STARD13: variants seen among roughly 807,000 people sequenced by gnomAD.
The protein encoded by STARD13 is StAR related lipid transfer domain containing 13.
STARD13 carries 62 observed loss-of-function variants against 106.4 expected under a neutral mutation model. That is an observed-to-expected ratio of 0.58 (90% CI 0.48 to 0.72). The LOEUF (loss-of-function observed/expected upper bound fraction) is 0.72, where lower values mean the gene tolerates loss of function less well. Among genes scored for constraint, STARD13 ranks in the 30% least tolerant of loss-of-function variants. STARD13 has a pLI of 0.00. For missense variants in STARD13, 1,387 were observed against 1,424.0 expected, an observed-to-expected ratio of 0.97 and a Z score of 0.42; for synonymous variants, 565 against 553.0, an observed-to-expected ratio of 1.02 and a Z score of -0.31.
chr13:33,517,891 T>G, the STARD13 span, among the ~76,000 whole-genome samples: 14 of 152,118 alleles, frequency 9.2e-5, no homozygotes, highest in African/African-American at 3.1e-4. Flanking sequence ...CAGACTGTAC[T>G]GAGAACCGCC....
chr13:33,518,333 G>T, the STARD13 span, among the ~76,000 whole-genome samples: 3 of 151,988 alleles, frequency 2.0e-5, no homozygotes, highest in Non-Finnish European at 4.4e-5. Flanking sequence ...CTTCTACTTT[G>T]GACTCACTGC....
chr13:33,118,210 T>G lies in STARD13; in HGVS notation c.2136A>C (p.Gln712His), dbSNP rs1396784660. Residue 712 changes from glutamine (Q) to histidine (H), a missense_variant, in exon 8 of 14, where the codon CAA (glutamine) becomes CAC (histidine). By Grantham distance (24) the Gln-to-His change is conservative (BLOSUM62 0). Coordinates refer to ENST00000336934, the MANE Select transcript of STARD13 (RefSeq NM_178006.4). ...CGTTCTCAGGGAAGTTTTCATTCAT[T>G]TGGCGAAGGGCATGGATTCGAGACT... Reference protein sequence around the residue: ...GVKSRIHALRQMNENFPENVN... With the variant: ...GVKSRIHALRHMNENFPENVN... 1 of 1,614,088 alleles carries G rather than the reference T, an allele frequency of 6.2e-7. No individual in the cohort carries two copies. The highest frequency in any genetic ancestry group is 1.3e-5 in the African/African-American group (1 of 74,926).
At chr13:33,433,545 T>C in the STARD13 span, among the ~76,000 whole-genome samples, 1 of 152,156 alleles carries the variant, frequency 6.6e-6, no homozygotes, top group Admixed American at 6.5e-5. Flanking sequence ...ACGTTCCGCC[T>C]TCCATCTGCG....
intron 4 of STARD13, among the ~76,000 whole-genome samples, chr13:33,132,478 C>T (rs536587715): frequency 1.3e-5 from 2 of 152,192 alleles, no homozygotes; most frequent in Non-Finnish European, 2.9e-5. Flanking sequence ...GATTGTGAGG[C>T]CTGCTTACAT....
At position 33,129,335 on chromosome 13, in the gene STARD13, C is replaced by A; in HGVS notation, c.1342G>T (p.Ala448Ser). 1 of 1,614,138 alleles carries A rather than the reference C, an allele frequency of 6.2e-7. No individual in the cohort carries two copies. Among genetic ancestry groups the A allele is most frequent in the South Asian group, 1.1e-5 (1 of 91,082 alleles). ...ACTCGGCTGGCTCTGTGGCAGGACG[C>A]CATGAGCCGGGGCTCCCTGGCACCA... ...VPGAREPRLM[A>S]SCHRASRVSI... The change falls in exon 5 of 14, where the codon GCG (alanine) becomes TCG (serine). Residue 448 changes from alanine to serine, a missense_variant. Ala to Ser is a moderately conservative substitution (Grantham distance 99). Coordinates refer to ENST00000336934, the MANE Select transcript of STARD13 (RefSeq NM_178006.4).
chr13:33,537,411 C>G, the STARD13 span, among the ~76,000 whole-genome samples: 13 of 152,190 alleles, frequency 8.5e-5, no homozygotes, highest in African/African-American at 2.9e-4. Context: ...CACTATGTAT[C>G]AGACATTTTA....
At chr13:33,331,739 C>CT (rs2077839081) in intron 1 of STARD13, among the ~76,000 whole-genome samples, 2 of 152,070 alleles carry the variant, frequency 1.3e-5, no homozygotes, top group East Asian at 3.9e-4. Context: ...TCTTTTTCAT[C>CT]TTTTTTCTCA....
At chr13:33,283,966 G>T (rs1229061523) in intron 1 of STARD13, among the ~76,000 whole-genome samples, 1 of 152,198 alleles carries the variant, frequency 6.6e-6, no homozygotes, top group African/African-American at 2.4e-5. Flanking sequence ...TATGCATGCT[G>T]AGGAACATTT....
the STARD13 span, among the ~76,000 whole-genome samples, chr13:33,585,520 C>A: frequency 6.6e-6 from 1 of 152,024 alleles, no homozygotes; most frequent in African/African-American, 2.4e-5. Flanking sequence ...ATGATGAAAC[C>A]CAGACTCTAG....
chr13:33,252,849 A>G (rs1890158094), intron 1 of STARD13, among the ~76,000 whole-genome samples: 1 of 152,204 alleles, frequency 6.6e-6, no homozygotes, highest in African/African-American at 2.4e-5. Flanking sequence ...AGGGTTGTAA[A>G]GGATGAAAAT....
chr13:33,499,586 TTCTTCTTCTTCTTCTTCTTTCTTC>T, the STARD13 span, among the ~76,000 whole-genome samples: 1 of 64,772 alleles, frequency 1.5e-5, no homozygotes, highest in African/African-American at 5.6e-5. Flanking sequence ...CTTCTTCTTC[TTCTTCTTCTTCTTCTTCTTTCTTC>T]TTCTTCTTCT....
At chr13:33,491,294 G>C in the STARD13 span, among the ~76,000 whole-genome samples, 2 of 152,210 alleles carry the variant, frequency 1.3e-5, no homozygotes, top group East Asian at 3.9e-4. Flanking sequence ...TGAGGGCTGA[G>C]TTAGCTTAGG....
At chr13:33,167,669 C>T in intron 1 of STARD13, 47 bp from the exon 2 acceptor site, 1 of 1,551,492 alleles carries the variant, frequency 6.4e-7, no homozygotes, top group Non-Finnish European at 8.9e-7. Flanking sequence ...CAGCCGCACC[C>T]TAGTACTCTG....
At chr13:33,209,710 C>T (rs1211429073) in intron 1 of STARD13, among the ~76,000 whole-genome samples, 3 of 152,202 alleles carry the variant, frequency 2.0e-5, no homozygotes, top group East Asian at 3.9e-4. Flanking sequence ...TAGTGGCTCA[C>T]GTGCACTCCC....
intron 1 of STARD13, chr13:33,274,126 A>G (rs1891299513): frequency 6.6e-6 from 1 of 151,046 alleles, no homozygotes; most frequent in Non-Finnish European, 1.5e-5. Flanking sequence ...TAAAATTGGG[A>G]AATAAATATT....
chr13:33,343,332 T>C (rs1416479071), intron 1 of STARD13, among the ~76,000 whole-genome samples: 2 of 151,248 alleles, frequency 1.3e-5, no homozygotes, highest in African/African-American at 4.9e-5. Context: ...CCCAGCACCT[T>C]GGGAGGTGGA....
chr13:33,462,129 C>T, the STARD13 span, among the ~76,000 whole-genome samples: 1 of 152,176 alleles, frequency 6.6e-6, no homozygotes, highest in Non-Finnish European at 1.5e-5. Flanking sequence ...TACATATATT[C>T]GTTTATTCTG....
the STARD13 span, among the ~76,000 whole-genome samples, chr13:33,581,248 A>G: frequency 6.6e-6 from 1 of 152,192 alleles, no homozygotes; most frequent in Non-Finnish European, 1.5e-5. Context: ...AAATCTGTGT[A>G]GACAATCACC....
At chr13:33,241,822 G>A (rs1031441610) in intron 1 of STARD13, among the ~76,000 whole-genome samples, 4 of 152,156 alleles carry the variant, frequency 2.6e-5, no homozygotes, top group East Asian at 1.9e-4. Flanking sequence ...GATGGCAGAC[G>A]GAGTCGCGCT....
Sources: gnomAD v4.1 joint callset for allele counts (sites outside exome capture counted in the v4.1 genomes callset) on GRCh38, gnomAD v4.1.1 for gene constraint, MANE v1.5 for transcripts, NCBI Gene and HGNC (gene_info 2026-07-23, HGNC 2026-07-21) for gene names.